Variants in KANK1 observed in about 807,000 individuals in gnomAD.
The protein encoded by KANK1 is KN motif and ankyrin repeat domain-containing protein 1.
KANK1 carries 109 observed loss-of-function variants against 106.2 expected under a neutral mutation model. The observed-to-expected ratio is 1.03, with a 90% confidence interval of 0.88 to 1.20. The LOEUF (loss-of-function observed/expected upper bound fraction) is 1.20. Ranked by LOEUF, KANK1 falls within the 50% of genes most tolerant of loss-of-function variation. KANK1 has a pLI of 0.00. For missense variants in KANK1, 2,399 were observed against 1,710.7 expected, an observed-to-expected ratio of 1.40 and a Z score of -7.10; for synonymous variants, 873 against 652.2, an observed-to-expected ratio of 1.34 and a Z score of -5.16.
At chr9:611,940 G>A (rs1830657550) in intron 1 of KANK1, among the ~76,000 whole-genome samples, 1 of 152,120 alleles carries the variant, frequency 6.6e-6, no homozygotes, top group South Asian at 2.1e-4. Flanking sequence ...GGATGGTCTC[G>A]ATCTCCTGAC....
intron 2 of KANK1, among the ~76,000 whole-genome samples, chr9:705,971 G>A (rs531071791): frequency 8.5e-4 from 130 of 152,158 alleles, no homozygotes; most frequent in African/African-American, 3.1e-3. Context: ...ACAAAAAAGT[G>A]TTTTCGTCTT....
At chr9:496,512 G>A (rs141000229) in intron 3 of KANK1, among the ~76,000 whole-genome samples, 1,883 of 152,240 alleles carry the variant, frequency 0.012, 38 homozygotes, top group African/African-American at 0.043. Flanking sequence ...AGCTGAGATC[G>A]TGCCACTGCA....
At chr9:505,347 G>A (rs1042650118) in intron 1 of KANK1, among the ~76,000 whole-genome samples, 1 of 152,212 alleles carries the variant, frequency 6.6e-6, no homozygotes. Flanking sequence ...TGGAGGGCGG[G>A]GAGGCGGGGG....
At chr9:618,474 C>T (rs1282471122) in intron 1 of KANK1, among the ~76,000 whole-genome samples, 1 of 152,170 alleles carries the variant, frequency 6.6e-6, no homozygotes, top group East Asian at 1.9e-4. Flanking sequence ...TCCCAAAGTG[C>T]TTAGATTACA....
In KANK1 at chr9:711,642, T is replaced by C. The variant is rs1193183540; in HGVS notation, c.876T>C (p.Ser292=). The part of the protein sequence containing the change: ...RTIPVLQVKI[S]VLQEEKRQLV... The stretch of plus-strand genomic sequence containing the variant: ...TCCCTGTGCTCCAGGTAAAGATCTC[T>C]GTCTTGCAAGAAGAGAAAAGGCAGT... Residue 292 remains serine (S), a synonymous_variant, in exon 3 of 12, where the codon TCT becomes TCC. Coordinates refer to ENST00000382297, the MANE Select transcript of KANK1 (RefSeq NM_015158.5). 2.5e-6 allele frequency: 4 copies of C among 1,614,042 alleles called. No homozygotes were observed. The Admixed American group carries it at 5.0e-5, about 20-fold the overall frequency.
At chr9:742,783 G>T (rs1330938762) in intron 10 of KANK1, among the ~76,000 whole-genome samples, 2 of 152,216 alleles carry the variant, frequency 1.3e-5, no homozygotes, top group Non-Finnish European at 1.5e-5. Context: ...TATCATTAGA[G>T]GCTGGGGTTA....
At chr9:670,671 A>G (rs930769464) in intron 1 of KANK1, among the ~76,000 whole-genome samples, 2 of 152,158 alleles carry the variant, frequency 1.3e-5, no homozygotes, top group Non-Finnish European at 2.9e-5. Context: ...CGGAGCTTCC[A>G]GGGCTGGAGA....
intron 2 of KANK1, among the ~76,000 whole-genome samples, chr9:699,590 T>C (rs1020180241): frequency 5.3e-5 from 8 of 152,204 alleles, no homozygotes; most frequent in Middle Eastern, 3.4e-3. Flanking sequence ...TAGGAAGGGT[T>C]AGGAGTACAC....
chr9:618,935 A>G (rs1225452715), intron 1 of KANK1, among the ~76,000 whole-genome samples: 1 of 152,224 alleles, frequency 6.6e-6, no homozygotes, highest in Non-Finnish European at 1.5e-5. Flanking sequence ...AAAATAGAAA[A>G]TTAGAGAAAA....
chr9:546,515 G>C (rs1196160583), intron 1 of KANK1, among the ~76,000 whole-genome samples: 1 of 151,976 alleles, frequency 6.6e-6, no homozygotes, highest in African/African-American at 2.4e-5. Context: ...CTGAGAACAG[G>C]CTCCTTACAT....
chr9:700,945 C>T (rs1372250594), intron 2 of KANK1, among the ~76,000 whole-genome samples: 2 of 152,166 alleles, frequency 1.3e-5, no homozygotes, highest in Non-Finnish European at 2.9e-5. Context: ...TTAAAGTCCA[C>T]AGGACACATT....
chr9:647,245 T>A (rs1413568814), intron 1 of KANK1, among the ~76,000 whole-genome samples: 2 of 143,674 alleles, frequency 1.4e-5, no homozygotes, highest in African/African-American at 5.8e-5. Context: ...TATTTACTTA[T>A]TTGATTATTT....
chr9:481,197 G>A (rs968773204), intron 3 of KANK1, among the ~76,000 whole-genome samples: 1 of 152,192 alleles, frequency 6.6e-6, no homozygotes, highest in Non-Finnish European at 1.5e-5. Context: ...TATAGTTTCT[G>A]CTGAATGTGT....
intron 1 of KANK1, among the ~76,000 whole-genome samples, chr9:663,113 A>C (rs72691362): frequency 0.016 from 2,505 of 152,338 alleles, 87 homozygotes; most frequent in African/African-American, 0.057. Context: ...AGAAGGTCAT[A>C]CAAGAATCCA....
chr9:646,651 T>G (rs558937008), intron 1 of KANK1, among the ~76,000 whole-genome samples: 1 of 150,752 alleles, frequency 6.6e-6, no homozygotes, highest in South Asian at 2.1e-4. Flanking sequence ...AACTGGACAG[T>G]TTATAGAGCA....
rs1242249331 is a variant in KANK1 at position 712,225 on chromosome 9, A to G, written c.1459A>G (p.Lys487Glu). ...RETTHDREMT[K>E]LKQELQAAGS... ...AACCACCCATGACCGGGAGATGACT[A>G]AACTGAAACAAGAGCTGCAGGCTGC... Residue 487 changes from lysine (K) to glutamate (E), a missense_variant, in exon 3 of 12, where the codon AAA becomes GAA. Lys to Glu is a moderately conservative substitution (Grantham distance 56, BLOSUM62 1). Transcript: ENST00000382297. The G allele has an allele frequency of 6.2e-7, 1 of 1,614,200 alleles. No homozygotes were observed. The highest frequency in any genetic ancestry group is 1.1e-5 in the South Asian group (1 of 91,074).
intron 1 of KANK1, among the ~76,000 whole-genome samples, chr9:656,704 G>A (rs754107261): frequency 6.6e-6 from 1 of 152,136 alleles, no homozygotes; most frequent in Non-Finnish European, 1.5e-5. Flanking sequence ...CTAAAGGGAT[G>A]TGCTTGTCCT....
chr9:578,086 C>G (rs1336395362), intron 1 of KANK1, among the ~76,000 whole-genome samples: 1 of 152,112 alleles, frequency 6.6e-6, no homozygotes, highest in African/African-American at 2.4e-5. Flanking sequence ...GAGAAGAACA[C>G]CAGAGGATAC....
chr9:595,022 GA>G (rs528071481), intron 1 of KANK1, among the ~76,000 whole-genome samples: 31 of 151,614 alleles, frequency 2.0e-4, no homozygotes, highest in South Asian at 1.9e-3. Flanking sequence ...GATTCGAAAA[GA>G]AAAAAAAGAA....
Sources: gnomAD v4.1 joint callset for allele counts (sites outside exome capture counted in the v4.1 genomes callset) on GRCh38, gnomAD v4.1.1 for gene constraint, MANE v1.5 for transcripts, NCBI Gene and HGNC (gene_info 2026-07-23, HGNC 2026-07-21) for gene names.